The following BRD1 variants were observed in gnomAD, a reference collection of about 807,000 sequenced individuals.
The protein encoded by BRD1 is bromodomain containing 1, also known as bromodomain-containing protein 1.
Under a neutral mutation model 107.7 loss-of-function variants are expected in BRD1, and 24 were observed. That is an observed-to-expected ratio of 0.22 (90% confidence interval 0.16 to 0.31). The LOEUF is 0.31. Ranked by LOEUF, BRD1 falls within the 10% of genes least tolerant of loss-of-function variation. The pLI is 1.00. For missense variants in BRD1, 1,279 were observed against 1,638.6 expected (o/e 0.78, Z 3.79); for synonymous variants, 744 against 686.1 (o/e 1.08, Z -1.32).
intron 2 of BRD1, among the ~76,000 whole-genome samples, chr22:49,809,947 CAAAG>C (rs2059818594): frequency 6.6e-6 from 1 of 152,176 alleles, no homozygotes; most frequent in East Asian, 1.9e-4. Context: ...AATATTGCAT[CAAAG>C]AAAGAAAGAA....
chr22:49,823,975 T>C lies in BRD1; in HGVS notation c.343A>G (p.Ser115Gly). Reference sequence around the variant, plus strand: ...CGCACCTTGGGCTCCGGGAGGGCACTGGCCGAGGCCGGCGTGCCGTGGGCG... The same window carrying C: ...CGCACCTTGGGCTCCGGGAGGGCACCGGCCGAGGCCGGCGTGCCGTGGGCG... ...PSAHGTPASA[S>G]ALPEPKVRIV... is the part of the protein sequence containing the mutation. Residue 115 changes from serine (S) to glycine (G), a missense_variant, in exon 2 of 13, where the codon AGT becomes GGT. By Grantham distance (56) the Ser-to-Gly change is moderately conservative (BLOSUM62 0). Transcript: ENST00000404760. 3 of 1,614,038 alleles carry C rather than the reference T, an allele frequency of 1.9e-6. No homozygotes were observed. The highest frequency in any genetic ancestry group is 2.5e-6 in the Non-Finnish European group (3 of 1,180,022).
chr22:49,787,742 A>C lies in BRD1; in HGVS notation c.2505T>G (p.Asn835Lys), dbSNP rs976306687. 1 of 1,550,702 alleles carries C rather than the reference A, an allele frequency of 6.4e-7. No individual in the cohort carries two copies. Among genetic ancestry groups the C allele is most frequent in the Non-Finnish European group, 8.7e-7 (1 of 1,147,060 alleles). ...SKLFKRVTFD[N>K]ESHSACTQSA... ...TCTGAGTGCAAGCGCTATGTGATTC[A>C]TTATCAAATGTGACTCTTTTGAAAA... The change falls in exon 8 of 13, where the codon AAT becomes AAG. Residue 835 changes from asparagine to lysine, a missense_variant. Around this residue, in one of 7 missense-constraint regions of BRD1, gnomAD observed 406 missense variants for 519.4 expected, o/e 0.78. Transcript: ENST00000404760.
At chr22:49,797,010 T>C (rs1214592646) in intron 6 of BRD1, among the ~76,000 whole-genome samples, 1 of 152,218 alleles carries the variant, frequency 6.6e-6, no homozygotes, top group Non-Finnish European at 1.5e-5. Flanking sequence ...TGATTTCTGC[T>C]CAGTTTGTGG....
chr22:49,824,626 C>T lies in BRD1; in HGVS notation c.-14-295G>A, dbSNP rs982946251. 6 of 1,205,626 alleles carry T rather than the reference C, an allele frequency of 5.0e-6. No homozygotes were observed. In the East Asian group the frequency reaches 1.4e-4, roughly 27 times the overall value. The allele number at this position is 1,205,626 out of a possible 1,614,324, so 74.7% of individuals were successfully genotyped here. On this transcript the variant is annotated intron_variant, in intron 1 of 12. Transcript: ENST00000404760. The surrounding 1 kb of genome is among the most constrained non-coding windows in gnomAD (Gnocchi z 5.9). ...CCTCTCAGACCACACCAACAGGCTG[C>T]GGAGACCACAGCAACGCTCCCCAAG...
At chr22:49,775,985 C>G in intron 11 of BRD1, 65 bp downstream of exon 11, 1 of 1,466,090 alleles carries the variant, frequency 6.8e-7, no homozygotes, top group Non-Finnish European at 9.2e-7. Context: ...CTCCTCGGAC[C>G]ACCCCCGCCC....
intron 3 of BRD1, among the ~76,000 whole-genome samples, chr22:49,800,059 C>A (rs1468500410): frequency 6.6e-6 from 1 of 152,208 alleles, no homozygotes; most frequent in Admixed American, 6.5e-5. Flanking sequence ...CAGTTTCTGG[C>A]ACATGCTTCA....
rs779291883 is a variant in BRD1, at chr22:49,777,097, G to C, written c.3058C>G (p.Arg1020Gly). The C allele has an allele frequency of 2.5e-6, 4 of 1,613,366 alleles. No homozygotes were observed. In the Admixed American group the frequency reaches 6.7e-5, roughly 27 times the overall value. Residue 1020 changes from arginine (R) to glycine (G), a missense_variant, in exon 10 of 13, where the codon CGC (arginine) becomes GGC (glycine). Coordinates refer to ENST00000404760, the MANE Select transcript of BRD1 (RefSeq NM_001304808.3). ...ALVRRHTLED[R>G]SELISCIENG... is the part of the protein sequence containing the mutation. ...TCGATGCAGGAGATCAGCTCACTGC[G>C]GTCCTCCAGCGTGTGCCGTCGCACA... is the stretch of plus-strand genomic sequence containing the variant.
chr22:49,775,719 C>T lies in BRD1; in HGVS notation c.3258G>A (p.Val1086=), dbSNP rs1446383067. Residue 1086 remains valine, a synonymous_variant, in exon 12 of 13, where the codon GTG becomes GTA. Transcript: ENST00000404760. The part of the protein sequence containing the change: ...ALIIDPKMPR[V]PGHHNGVTIP... ...TGGTGACGCCGTTGTGGTGGCCAGG[C>T]ACACGGGGCATCTTGGGGTCGATGA... The T allele has an allele frequency of 8.7e-6, 14 of 1,612,920 alleles. No homozygotes were observed. Among genetic ancestry groups the T allele is most frequent in the Non-Finnish European group, 1.2e-5 (14 of 1,179,620 alleles).
At chr22:49,785,495 T>C (rs909522360) in intron 8 of BRD1, among the ~76,000 whole-genome samples, 6 of 152,204 alleles carry the variant, frequency 3.9e-5, no homozygotes, top group Admixed American at 3.9e-4. Context: ...CCTGACCCGA[T>C]TCATCACAGA....
At chr22:49,822,311 G>C (rs1033812819) in intron 2 of BRD1, among the ~76,000 whole-genome samples, 2 of 152,082 alleles carry the variant, frequency 1.3e-5, no homozygotes, top group Non-Finnish European at 2.9e-5. Context: ...TGTAGTCCCA[G>C]CTACTCAGGA....
intron 8 of BRD1, among the ~76,000 whole-genome samples, chr22:49,779,671 C>G (rs2059166535): frequency 6.6e-6 from 1 of 152,162 alleles, no homozygotes. Context: ...TCCCCATACT[C>G]ATCACAGAGT....
chr22:49,779,458 G>A (rs930814856), intron 8 of BRD1, among the ~76,000 whole-genome samples: 10 of 152,300 alleles, frequency 6.6e-5, no homozygotes, highest in South Asian at 6.2e-4. Context: ...GTCAGACACC[G>A]GCTCCGTCTC....
chr22:49,784,061 T>C (rs2059268970), intron 8 of BRD1, among the ~76,000 whole-genome samples: 1 of 152,124 alleles, frequency 6.6e-6, no homozygotes, highest in African/African-American at 2.4e-5. Flanking sequence ...CGAAGGACAC[T>C]GAAGACACCC....
intron 2 of BRD1, among the ~76,000 whole-genome samples, chr22:49,810,076 G>A (rs1007970000): frequency 6.6e-6 from 1 of 152,074 alleles, no homozygotes; most frequent in Non-Finnish European, 1.5e-5. Context: ...CACGTCCTTT[G>A]CCCACAGCAC....
chr22:49,813,932 T>C (rs1387072632), intron 2 of BRD1, among the ~76,000 whole-genome samples: 1 of 151,916 alleles, frequency 6.6e-6, no homozygotes, highest in South Asian at 2.1e-4. Flanking sequence ...AGCATGCACA[T>C]GCCACATGGG....
intron 6 of BRD1, among the ~76,000 whole-genome samples, chr22:49,797,546 T>C (rs1018691108): frequency 6.6e-6 from 1 of 152,234 alleles, no homozygotes; most frequent in African/African-American, 2.4e-5. Context: ...AAAGCTTATA[T>C]ATCCTCAGTA....
intron 7 of BRD1, among the ~76,000 whole-genome samples, chr22:49,789,614 A>T (rs897788409): frequency 4.6e-5 from 7 of 151,726 alleles, no homozygotes; most frequent in Non-Finnish European, 1.0e-4. Context: ...GTGCAACAGC[A>T]CCCGGCCAGC....
chr22:49,819,216 T>A (rs1036590713), intron 2 of BRD1, among the ~76,000 whole-genome samples: 1 of 152,014 alleles, frequency 6.6e-6, no homozygotes, highest in Non-Finnish European at 1.5e-5. Context: ...GCCGAGATTA[T>A]GCCATTGCAC....
At chr22:49,781,621 C>T (rs937096573) in intron 8 of BRD1, among the ~76,000 whole-genome samples, 4 of 152,376 alleles carry the variant, frequency 2.6e-5, no homozygotes, top group South Asian at 2.1e-4. Context: ...CCGCCCCTGC[C>T]GCTGGCACCC....
Sources: gnomAD v4.1 joint callset for allele counts (sites outside exome capture counted in the v4.1 genomes callset) on GRCh38, gnomAD v4.1.1 for gene constraint, gnomAD v4.1.1 regional missense constraint, Gnocchi (gnomAD v3.1) non-coding constraint, MANE v1.5 for transcripts, NCBI Gene and HGNC (gene_info 2026-07-23, HGNC 2026-07-21) for gene names.